Variants in ERICH1 observed in about 807,000 individuals in gnomAD.
ERICH1 encodes the protein glutamate rich 1, also known as glutamate-rich protein 1.
In ERICH1, 56 loss-of-function variants were observed where a neutral mutation model predicts 39.6. That is an observed-to-expected ratio of 1.41 (90% confidence interval 1.14 to 1.77). ERICH1 has a LOEUF of 1.77. ERICH1 is among the 40% of genes most tolerant of loss of function. The pLI is 0.00. For missense variants in ERICH1, 826 were observed against 575.4 expected, an observed-to-expected ratio of 1.44 and a Z score of -4.45; for synonymous variants, 313 against 223.6, an observed-to-expected ratio of 1.40 and a Z score of -3.57.
intron 3 of ERICH1, among the ~76,000 whole-genome samples, chr8:619,945 AT>A (rs1797176546): frequency 1.3e-5 from 2 of 152,356 alleles, no homozygotes; most frequent in South Asian, 2.1e-4. Flanking sequence ...GGAATAAAAA[AT>A]ATTACATTAT....
chr8:728,351 G>GACT (rs1157245546), intron 1 of ERICH1, among the ~76,000 whole-genome samples: 2 of 152,190 alleles, frequency 1.3e-5, no homozygotes, highest in African/African-American at 4.8e-5. Flanking sequence ...GTCCAGGGAG[G>GACT]AGGAGGCAGC....
chr8:668,860 T>C, intron 4 of ERICH1, 68 bp from the exon 5 acceptor site: 1 of 1,438,496 alleles, frequency 7.0e-7, no homozygotes, highest in East Asian at 2.3e-5. Context: ...AGATAAGCTT[T>C]CCTCTCTTAA....
intron 2 of ERICH1, among the ~76,000 whole-genome samples, chr8:708,944 C>T (rs946722013): frequency 1.3e-5 from 2 of 151,966 alleles, no homozygotes; most frequent in African/African-American, 4.8e-5. Flanking sequence ...ATCCACCCAC[C>T]TCAGCCTCCC....
At chr8:687,109 ATT>A (rs1299101054) in intron 3 of ERICH1, among the ~76,000 whole-genome samples, 21 of 152,214 alleles carry the variant, frequency 1.4e-4, no homozygotes, top group Admixed American at 1.2e-3. Context: ...ATAACTGTGC[ATT>A]TACTGCATGC....
chr8:688,386 G>A (rs982219106), intron 3 of ERICH1, among the ~76,000 whole-genome samples: 4 of 69,888 alleles, frequency 5.7e-5, no homozygotes, highest in East Asian at 7.0e-4. Flanking sequence ...TCCCTCCGCA[G>A]GCTCCAGAGG....
chr8:726,792 AACATGGAC>A (rs1171982412), intron 1 of ERICH1, among the ~76,000 whole-genome samples: 2 of 151,818 alleles, frequency 1.3e-5, no homozygotes, highest in Non-Finnish European at 2.9e-5. Flanking sequence ...CACATACATG[AACATGGAC>A]ACATGGACAC....
At chr8:627,011 C>T (rs75580508) in intron 3 of ERICH1, 20 of 424,976 alleles carry the variant, frequency 4.7e-5, no homozygotes, top group South Asian at 1.0e-4. Flanking sequence ...ACCAAGCTCT[C>T]GTCATGGTGT....
In ERICH1 at chr8:673,812, T is replaced by C. The variant is rs778640654; in HGVS notation, c.540A>G (p.Ala180=). ...TGAAACTGACACCAGCAGCCTTTGCTGCCAAGCCGGCTGCTTTCTTCCTTT... is the reference window on the plus strand; with the variant it reads ...TGAAACTGACACCAGCAGCCTTTGCCGCCAAGCCGGCTGCTTTCTTCCTTT... The part of the protein sequence containing the change: ...QIKRKKAAGL[A]AKAAGVSFMY... Residue 180 remains alanine (A), a synonymous_variant, in exon 4 of 6, where the codon GCA becomes GCG. Transcript: ENST00000262109. 3.7e-6 allele frequency: 6 copies of C among 1,614,204 alleles called. No homozygotes were observed. The South Asian group carries it at 6.6e-5, about 18-fold the overall frequency.
intron 3 of ERICH1, chr8:627,109 G>A (rs766837544): frequency 4.4e-6 from 2 of 456,232 alleles, no homozygotes; most frequent in Middle Eastern, 3.3e-4. Context: ...CTAGACACCT[G>A]CATCAGTCAA....
intron 2 of ERICH1, among the ~76,000 whole-genome samples, chr8:707,078 T>C (rs936778586): frequency 2.0e-5 from 3 of 151,956 alleles, no homozygotes; most frequent in African/African-American, 4.8e-5. Context: ...ATTCAAAACT[T>C]AGTACACAGC....
chr8:658,753 C>G (rs1399901159), intron 3 of ERICH1, among the ~76,000 whole-genome samples: 1 of 152,172 alleles, frequency 6.6e-6, no homozygotes, highest in Non-Finnish European at 1.5e-5. Flanking sequence ...GAGAAGGTGT[C>G]GTCCACAGCC....
downstream of ERICH1, among the ~76,000 whole-genome samples, chr8:660,700 C>A (rs1263834009): frequency 2.6e-5 from 4 of 152,250 alleles, no homozygotes; most frequent in Non-Finnish European, 5.9e-5. Context: ...TTTCCTCCAT[C>A]CCTGGCCCTG....
intron 2 of ERICH1, among the ~76,000 whole-genome samples, chr8:702,064 G>A (rs1056451317): frequency 2.9e-5 from 4 of 136,560 alleles, no homozygotes; most frequent in East Asian, 2.1e-4. Flanking sequence ...GTGACAGAGC[G>A]GGACTACATC....
At chr8:663,152 G>A (rs1327603751), downstream of ERICH1, among the ~76,000 whole-genome samples, 1 of 152,268 alleles carries the variant, frequency 6.6e-6, no homozygotes, top group East Asian at 1.9e-4. Flanking sequence ...TGTTTCACCT[G>A]CTTCCAGAAG....
At chr8:670,457 C>G (rs1003003838) in intron 4 of ERICH1, among the ~76,000 whole-genome samples, 1 of 152,172 alleles carries the variant, frequency 6.6e-6, no homozygotes, top group African/African-American at 2.4e-5. Context: ...AGGGCTCACC[C>G]TTTGCTCCGC....
chr8:627,847 C>T (rs1797683192), intron 3 of ERICH1, among the ~76,000 whole-genome samples: 2 of 152,176 alleles, frequency 1.3e-5, no homozygotes. Flanking sequence ...CTGGGGAGCC[C>T]AGGAACAGGA....
intron 3 of ERICH1, among the ~76,000 whole-genome samples, chr8:643,256 G>A (rs1457088943): frequency 6.6e-6 from 1 of 152,232 alleles, no homozygotes. Context: ...TAGTAATGGG[G>A]TCGCAGCAGG....
intron 5 of ERICH1, among the ~76,000 whole-genome samples, chr8:665,705 G>A (rs1389503631): frequency 2.6e-5 from 4 of 152,218 alleles, no homozygotes; most frequent in Non-Finnish European, 1.5e-5. Context: ...GTAATAAAAC[G>A]TCACAGAAGC....
intron 2 of ERICH1, among the ~76,000 whole-genome samples, chr8:702,501 C>T (rs1312155735): frequency 1.3e-5 from 2 of 152,194 alleles, no homozygotes; most frequent in African/African-American, 4.8e-5. Context: ...CCAGAAAACA[C>T]AGGAGCAGGC....
Sources: gnomAD v4.1 joint callset for allele counts (sites outside exome capture counted in the v4.1 genomes callset) on GRCh38, gnomAD v4.1.1 for gene constraint, MANE v1.5 for transcripts, NCBI Gene and HGNC (gene_info 2026-07-23, HGNC 2026-07-21) for gene names.